Variants in INO80D observed in about 807,000 individuals in gnomAD.
INO80D encodes INO80 complex subunit D.
INO80D carries 21 observed loss-of-function variants against 87.6 expected under a neutral mutation model. The ratio of observed to expected loss-of-function variants is 0.24; its 90% CI spans 0.17 to 0.35. The LOEUF is 0.35. INO80D is among the 10% of genes least tolerant of loss of function. INO80D has a pLI of 1.00. For missense variants in INO80D, 982 were observed against 1,280.7 expected (o/e 0.77, Z 3.56); for synonymous variants, 440 against 491.0 (o/e 0.90, Z 1.37).
chr2:206,054,160 C>T (rs951049969), intron 4 of INO80D, among the ~76,000 whole-genome samples: 1 of 151,132 alleles, frequency 6.6e-6, no homozygotes, highest in Non-Finnish European at 1.5e-5. Context: ...TTTTTAATAG[C>T]TATATAATAT....
At position 206,005,053 on chromosome 2, in the gene INO80D, G is replaced by A. The variant is rs1352899900; in HGVS notation, c.2399C>T (p.Ala800Val). Reference protein sequence around the residue: ...GSHASQRPHPAQLLSKADDLI... With the variant: ...GSHASQRPHPVQLLSKADDLI... ...GTCATCTGCCTTGCTCAGCAGCTGG[G>A]CAGGATGTGGCCTCTGGGAGGCATG... The change falls in exon 11 of 11, where the codon GCC (alanine) becomes GTC (valine). Residue 800 changes from alanine to valine, a missense_variant. By Grantham distance (64) the Ala-to-Val change is moderately conservative. Transcript: ENST00000403263. 2.5e-6 allele frequency: 4 copies of A among 1,613,958 alleles called. No homozygotes were observed. The highest frequency in any genetic ancestry group is 3.4e-6 in the Non-Finnish European group (4 of 1,179,874).
intron 1 of INO80D, among the ~76,000 whole-genome samples, chr2:206,076,116 T>G (rs534365573): frequency 4.1e-5 from 6 of 147,488 alleles, no homozygotes; most frequent in Non-Finnish European, 8.9e-5. Flanking sequence ...TACCAGAAGG[T>G]TGGGAGGCCA....
intron 1 of INO80D, among the ~76,000 whole-genome samples, chr2:206,083,947 G>A (rs1690356544): frequency 1.3e-5 from 2 of 151,810 alleles, no homozygotes; most frequent in African/African-American, 2.4e-5. Flanking sequence ...ACTGGCAGTG[G>A]GGGGTGGCAG....
At position 206,009,799 on chromosome 2, in the gene INO80D, G is replaced by T. The variant is rs774876432; in HGVS notation, c.1543-5C>A. On this transcript the variant is annotated splice_polypyrimidine_tract_variant and splice_region_variant and intron_variant, in intron 8 of 10. Transcript: ENST00000403263. Reference sequence around the variant, plus strand: ...ATCTCCTCTCAAGAAATTATCCTTTGGAATGAATAAATAGGCTTTTAAATT... The same window carrying T: ...ATCTCCTCTCAAGAAATTATCCTTTTGAATGAATAAATAGGCTTTTAAATT... 90 of 1,600,168 alleles carry T rather than the reference G, an allele frequency of 5.6e-5. No individual in the cohort carries two copies. In the African/African-American group the frequency reaches 1.1e-3, roughly 20 times the overall value.
Position 206,004,826 on chromosome 2 carries a change from G to A in INO80D, c.2626C>T (p.Leu876Phe), listed in dbSNP as rs749037619. 1.2e-6 allele frequency: 2 copies of A among 1,614,018 alleles called. No homozygotes were observed. Among genetic ancestry groups the A allele is most frequent in the East Asian group, 2.2e-5 (1 of 44,880 alleles). ...IMAQHLLPTQ[L>F]EVPLGGVVNP... ...ACCACGCCTCCAAGTGGCACCTCAA[G>A]TTGGGTTGGGAGCAAGTGCTGCGCC... The change falls in exon 11 of 11, where the codon CTT becomes TTT. Residue 876 changes from leucine to phenylalanine, a missense_variant. Coordinates refer to ENST00000403263, the MANE Select transcript of INO80D (RefSeq NM_017759.5). The surrounding 1 kb of genome is among the most constrained non-coding windows in gnomAD (Gnocchi z 4.9).
At chr2:206,069,395 C>T (rs1465508268) in intron 1 of INO80D, among the ~76,000 whole-genome samples, 1 of 152,036 alleles carries the variant, frequency 6.6e-6, no homozygotes, top group Non-Finnish European at 1.5e-5. Flanking sequence ...AATCTGTTCA[C>T]GTTTTCAGCA....
intron 4 of INO80D, among the ~76,000 whole-genome samples, chr2:206,048,442 A>G (rs763671240): frequency 3.3e-5 from 5 of 151,836 alleles, no homozygotes; most frequent in Non-Finnish European, 5.9e-5. Context: ...CATGTTGACC[A>G]GGCTGCTCTC....
At chr2:206,035,885 AAAAC>A (rs1202178442) in intron 5 of INO80D, among the ~76,000 whole-genome samples, 4 of 152,212 alleles carry the variant, frequency 2.6e-5, no homozygotes, top group Non-Finnish European at 5.9e-5. Context: ...CAGTAAGAAG[AAAAC>A]AAACAATCCC....
chr2:206,033,486 G>A (rs898606730), intron 5 of INO80D, among the ~76,000 whole-genome samples: 1 of 152,066 alleles, frequency 6.6e-6, no homozygotes, highest in African/African-American at 2.4e-5. Flanking sequence ...CCCTGAAAGA[G>A]CTTTGGGTCA....
intron 4 of INO80D, among the ~76,000 whole-genome samples, chr2:206,047,785 T>C (rs1575845830): frequency 1.3e-5 from 2 of 152,070 alleles, no homozygotes; most frequent in East Asian, 3.9e-4. Context: ...CCCTGGCTCT[T>C]ACCTTCCATG....
At chr2:206,038,030 A>G (rs1257517336) in intron 5 of INO80D, among the ~76,000 whole-genome samples, 1 of 152,356 alleles carries the variant, frequency 6.6e-6, no homozygotes, top group East Asian at 1.9e-4. Flanking sequence ...ACTAAAAAAC[A>G]TGTTCACATA....
At chr2:206,084,353 G>T (rs1445962731) in intron 1 of INO80D, among the ~76,000 whole-genome samples, 2 of 151,848 alleles carry the variant, frequency 1.3e-5, no homozygotes, top group South Asian at 4.2e-4. Context: ...ACAAGTTTAG[G>T]TTTCCTTAAA....
At chr2:206,057,950 C>A (rs1306391069) in intron 3 of INO80D, among the ~76,000 whole-genome samples, 1 of 147,738 alleles carries the variant, frequency 6.8e-6, no homozygotes. Flanking sequence ...ATTTTGAATT[C>A]TCTGTCTGAA....
intron 5 of INO80D, among the ~76,000 whole-genome samples, chr2:206,034,488 A>C (rs912571662): frequency 2.0e-5 from 3 of 152,200 alleles, no homozygotes; most frequent in African/African-American, 7.2e-5. Flanking sequence ...ATCAAAAATA[A>C]AAATCACATG....
intron 8 of INO80D, among the ~76,000 whole-genome samples, chr2:206,012,213 G>A (rs1575799269): frequency 6.6e-6 from 1 of 152,328 alleles, no homozygotes; most frequent in East Asian, 1.9e-4. Context: ...CAGAAGTATA[G>A]GGGCAGAAAA....
intron 4 of INO80D, among the ~76,000 whole-genome samples, chr2:206,049,901 G>C (rs890047976): frequency 6.6e-6 from 1 of 152,164 alleles, no homozygotes; most frequent in Non-Finnish European, 1.5e-5. Context: ...GGAGGCCAAG[G>C]CGGGTGGATC....
At chr2:206,059,764 T>C (rs542376222) in intron 3 of INO80D, among the ~76,000 whole-genome samples, 2 of 152,144 alleles carry the variant, frequency 1.3e-5, no homozygotes, top group Non-Finnish European at 2.9e-5. Flanking sequence ...TCTGTGTGTC[T>C]GTGTGCTTCC....
chr2:206,008,269 C>T (rs1470905229), intron 9 of INO80D, among the ~76,000 whole-genome samples: 1 of 149,180 alleles, frequency 6.7e-6, no homozygotes, highest in Admixed American at 6.7e-5. Context: ...CAGGCATGAG[C>T]CACCATGCCT....
intron 1 of INO80D, among the ~76,000 whole-genome samples, chr2:206,084,236 TACATACACAC>T (rs1337031334): frequency 1.9e-5 from 2 of 103,554 alleles, no homozygotes; most frequent in African/African-American, 7.6e-5. Flanking sequence ...TTAAATGTTA[TACATACACAC>T]ACACACACAC....
Sources: allele counts gnomAD v4.1 joint callset (sites outside exome capture counted in the v4.1 genomes callset), GRCh38; gene constraint gnomAD v4.1.1; non-coding constraint Gnocchi (gnomAD v3.1); transcripts MANE v1.5; gene names NCBI Gene and HGNC (gene_info 2026-07-23, HGNC 2026-07-21).